The following DNAH11 variants were observed in gnomAD, a reference collection of about 807,000 sequenced individuals.
DNAH11 encodes axonemal beta dynein heavy chain 11.
In DNAH11, 442 loss-of-function variants were observed where a neutral mutation model predicts 526.0. The ratio of observed to expected loss-of-function variants is 0.84; its 90% CI spans 0.78 to 0.91. The LOEUF is 0.91. Among genes scored for constraint, DNAH11 ranks in the 40% least tolerant of loss-of-function variants. DNAH11 has a pLI of 0.00. For missense variants in DNAH11, 6,989 were observed against 5,448.7 expected (o/e 1.28, Z -8.90); for synonymous variants, 2,461 against 1,935.9 (o/e 1.27, Z -7.12).
chr7:21,831,694 A>G (rs1002197351), intron 65 of DNAH11, among the ~76,000 whole-genome samples: 2 of 152,208 alleles, frequency 1.3e-5, no homozygotes, highest in African/African-American at 4.8e-5. Context: ...TGTATGCTTC[A>G]GGATATACAT....
In DNAH11 at chr7:21,901,237, C is replaced by T. The variant is rs1486560837; in HGVS notation, c.13534C>T (p.Leu4512=). The T allele has an allele frequency of 6.2e-7, 1 of 1,607,648 alleles. No individual in the cohort carries two copies. Among genetic ancestry groups the T allele is most frequent in the East Asian group, 2.2e-5 (1 of 44,534 alleles). The part of the protein sequence containing the change: ...TAKWVLAGVA[L]LLEA ...AAAATGGGTTCTGGCTGGAGTGGCT[C>T]TGCTTCTAGAAGCGTAAGGTAACAC... The change falls in exon 82 of 82, where the codon CTG becomes TTG. Residue 4512 remains leucine, a synonymous_variant. Coordinates refer to ENST00000409508, the MANE Select transcript of DNAH11 (RefSeq NM_001277115.2).
chr7:21,733,175 C>T (rs367962078), intron 45 of DNAH11, among the ~76,000 whole-genome samples: 1 of 152,244 alleles, frequency 6.6e-6, no homozygotes, highest in East Asian at 1.9e-4. Context: ...TCACCTGAGG[C>T]CAGGAATTCA....
intron 73 of DNAH11, among the ~76,000 whole-genome samples, chr7:21,871,519 C>T (rs552151155): frequency 6.6e-6 from 1 of 152,296 alleles, no homozygotes; most frequent in East Asian, 1.9e-4. Flanking sequence ...ACATTTGATT[C>T]AAGTAAACTT....
At position 21,710,664 on chromosome 7, in the gene DNAH11, G is replaced by A. The variant is rs749316177; in HGVS notation, c.6795G>A (p.Met2265Ile). The change falls in exon 41 of 82, where the codon ATG becomes ATA. Residue 2265 changes from methionine (M) to isoleucine (I), a missense_variant. Transcript: ENST00000409508. ...TCCTGGATGGCGATATTGACCCCAT[G>A]TGGATTGAATCACTGAATACTGTAA... is the stretch of plus-strand genomic sequence containing the variant. ...WIVLDGDIDP[M>I]WIESLNTVMD... The A allele has an allele frequency of 6.2e-7, 1 of 1,613,166 alleles. No individual in the cohort carries two copies. The highest frequency in any genetic ancestry group is 8.5e-7 in the Non-Finnish European group (1 of 1,179,516).
chr7:21,601,324 C>T (rs1785075411), intron 17 of DNAH11, 72 bp from the exon 18 acceptor site: 1 of 1,468,314 alleles, frequency 6.8e-7, no homozygotes, highest in Non-Finnish European at 9.2e-7. Context: ...AAGATTCAAT[C>T]AGAAGTCTTA....
At chr7:21,814,931 A>G (rs1338918358) in intron 63 of DNAH11, among the ~76,000 whole-genome samples, 1 of 152,184 alleles carries the variant, frequency 6.6e-6, no homozygotes, top group Non-Finnish European at 1.5e-5. Flanking sequence ...ACACAATACT[A>G]TCGAAACATC....
chr7:21,741,216 C>CT (rs35252747), intron 48 of DNAH11, among the ~76,000 whole-genome samples: 5 of 151,880 alleles, frequency 3.3e-5, no homozygotes, highest in Admixed American at 6.6e-5. Flanking sequence ...TCCAAATAGG[C>CT]TTTTTTTTCC....
At chr7:21,829,976 AACG>A (rs1190112159) in intron 65 of DNAH11, among the ~76,000 whole-genome samples, 1 of 152,234 alleles carries the variant, frequency 6.6e-6, no homozygotes, top group Non-Finnish European at 1.5e-5. Flanking sequence ...TTCCAACAGT[AACG>A]ACTTTCCGTG....
rs769397639 is a variant in DNAH11 at position 21,559,703 on chromosome 7, C to T, written c.793C>T (p.Arg265Cys). Residue 265 changes from arginine (R) to cysteine (C), a missense_variant, in exon 4 of 82, where the codon CGT (arginine) becomes TGT (cysteine). Transcript: ENST00000409508. ...AATTATAGAAAGAGATTCAGTGCAG[C>T]GTTTGTTGAATGGTCTTCACTTGTC... Reference protein sequence around the residue: ...QEIIERDSVQRLLNGLHLSPQ... With the variant: ...QEIIERDSVQCLLNGLHLSPQ... 15 of 1,610,442 alleles carry T rather than the reference C, an allele frequency of 9.3e-6. No individual in the cohort carries two copies. Among genetic ancestry groups the T allele is most frequent in the South Asian group, 3.3e-5 (3 of 90,310 alleles).
intron 5 of DNAH11, 156 bp downstream of exon 5, chr7:21,561,326 A>T: frequency 1.7e-6 from 1 of 601,686 alleles, no homozygotes; most frequent in Non-Finnish European, 2.9e-6. Flanking sequence ...TTTGTACTAT[A>T]TTCTCCACCC....
chr7:21,708,374 A>G (rs1225773580), intron 40 of DNAH11, among the ~76,000 whole-genome samples: 1 of 152,184 alleles, frequency 6.6e-6, no homozygotes, highest in African/African-American at 2.4e-5. Context: ...CTTTGCCTTT[A>G]AAATGTATGT....
intron 28 of DNAH11, among the ~76,000 whole-genome samples, chr7:21,641,798 C>G (rs1157651451): frequency 6.6e-6 from 1 of 152,310 alleles, no homozygotes; most frequent in Admixed American, 6.5e-5. Context: ...CTCACCTACC[C>G]CATTCATAGC....
At chr7:21,826,163 TA>T (rs1352073951) in intron 65 of DNAH11, among the ~76,000 whole-genome samples, 1 of 152,050 alleles carries the variant, frequency 6.6e-6, no homozygotes, top group African/African-American at 2.4e-5. Context: ...CATAAATCTA[TA>T]AAAGTCATTT....
In DNAH11 at chr7:21,635,924, A is replaced by G. The variant is rs749424527; in HGVS notation, c.4554A>G (p.Gln1518=). 9.9e-6 allele frequency: 16 copies of G among 1,613,248 alleles called. No homozygotes were observed. In the East Asian group the frequency reaches 2.9e-4, roughly 29 times the overall value. The change falls in exon 26 of 82, where the codon CAA becomes CAG. Residue 1518 remains glutamine, a synonymous_variant. Coordinates refer to ENST00000409508, the MANE Select transcript of DNAH11 (RefSeq NM_001277115.2). ...AGTATGTAGAATATTTCATTGAGCA[A>G]GTGTTAAGCTGGCAAAATAAATTAA... The part of the protein sequence containing the change: ...QSKYVEYFIE[Q]VLSWQNKLNI...
At chr7:21,669,622 G>A (rs1368774137) in intron 30 of DNAH11, among the ~76,000 whole-genome samples, 1 of 151,210 alleles carries the variant, frequency 6.6e-6, no homozygotes, top group Non-Finnish European at 1.5e-5. Context: ...TTCATGGCTA[G>A]TGCTTTTTGT....
At position 21,600,576 on chromosome 7, in the gene DNAH11, A is replaced by G. The variant is rs897402579; in HGVS notation, c.3001-100A>G. 4.8e-6 allele frequency: 6 copies of G among 1,252,948 alleles called. No individual in the cohort carries two copies. In the African/African-American group the frequency reaches 7.7e-5, roughly 16 times the overall value. The allele number at this position is 1,252,948 out of a possible 1,614,324, so 77.6% of individuals were successfully genotyped here. A position where few individuals can be genotyped will look rare whatever the true frequency, so the allele number is the denominator to read the frequency against. On this transcript the variant is annotated intron_variant, in intron 15 of 81. Coordinates refer to ENST00000409508, the MANE Select transcript of DNAH11 (RefSeq NM_001277115.2). ...AACATGATTTTTAATTTTTCTAACT[A>G]CTCTCCCTTTGAAGAATTACCTTGG...
intron 66 of DNAH11, among the ~76,000 whole-genome samples, chr7:21,850,184 A>G (rs1252917583): frequency 4.1e-5 from 6 of 145,724 alleles, no homozygotes; most frequent in African/African-American, 1.1e-4. Flanking sequence ...GTGAAACCCC[A>G]TCTCTACTAA....
At chr7:21,551,416 C>T (rs1463044414) in intron 2 of DNAH11, among the ~76,000 whole-genome samples, 1 of 152,190 alleles carries the variant, frequency 6.6e-6, no homozygotes, top group Non-Finnish European at 1.5e-5. Context: ...TTGACCAGTT[C>T]CCCATGTACC....
In DNAH11 at chr7:21,681,611, G is replaced by C; in HGVS notation, c.5394G>C (p.Lys1798Asn). ...AACTTCCACCTGGAGACAGACAGAA[G>C]ATCATGACAATTTGTACCATAGATG... The part of the protein sequence containing the change: ...LGELPPGDRQ[K>N]IMTICTIDVH... Residue 1798 changes from lysine to asparagine, a missense_variant, in exon 31 of 82, where the codon AAG becomes AAC. Lys to Asn is a moderately conservative substitution (Grantham distance 94, BLOSUM62 0). Coordinates refer to ENST00000409508, the MANE Select transcript of DNAH11 (RefSeq NM_001277115.2). 6.2e-7 allele frequency: 1 copy of C among 1,613,842 alleles called. No individual in the cohort carries two copies. The highest frequency in any genetic ancestry group is 8.5e-7 in the Non-Finnish European group (1 of 1,179,784).
Sources: gnomAD v4.1 joint callset for allele counts (sites outside exome capture counted in the v4.1 genomes callset) on GRCh38, gnomAD v4.1.1 for gene constraint, MANE v1.5 for transcripts, NCBI Gene and HGNC (gene_info 2026-07-23, HGNC 2026-07-21) for gene names.